Variants in ATP13A4 observed in about 807,000 individuals in gnomAD.
ATP13A4 encodes the protein probable cation-transporting ATPase 13A4.
Under a neutral mutation model 142.5 loss-of-function variants are expected in ATP13A4, and 114 were observed. That is an observed-to-expected ratio of 0.80 (90% CI 0.69 to 0.93). The LOEUF is 0.93. Ranked by LOEUF, ATP13A4 falls within the 40% of genes least tolerant of loss-of-function variation. The pLI is 0.00. For synonymous variants in ATP13A4, 488 were observed against 514.8 expected (o/e 0.95, Z 0.70); for missense variants, 1,392 against 1,454.0 (o/e 0.96, Z 0.69).
chr3:193,581,387 A>C (rs1314316945), intron 2 of ATP13A4, among the ~76,000 whole-genome samples: 1 of 152,210 alleles, frequency 6.6e-6, no homozygotes, highest in Non-Finnish European at 1.5e-5. Context: ...TATGGTGGAA[A>C]TACTGCCACC....
At chr3:193,541,029 C>T (rs1447145686) in intron 1 of ATP13A4, among the ~76,000 whole-genome samples, 2 of 152,000 alleles carry the variant, frequency 1.3e-5, no homozygotes, top group African/African-American at 4.8e-5. Flanking sequence ...GCGGGCAAAT[C>T]GCGAGGTCAG....
At chr3:193,523,842 G>A (rs575522874) in intron 1 of ATP13A4, among the ~76,000 whole-genome samples, 8 of 152,256 alleles carry the variant, frequency 5.3e-5, no homozygotes, top group South Asian at 4.1e-4. Flanking sequence ...GTGCAGGGGC[G>A]CAGATCCATT....
At chr3:193,572,962 T>C (rs1453580154) in intron 2 of ATP13A4, among the ~76,000 whole-genome samples, 2 of 107,222 alleles carry the variant, frequency 1.9e-5, no homozygotes, top group African/African-American at 3.9e-5. Context: ...ACACCTTCTT[T>C]ACAAAAAAAA....
intron 2 of ATP13A4, among the ~76,000 whole-genome samples, chr3:193,565,891 A>G (rs1724121856): frequency 6.6e-6 from 1 of 152,192 alleles, no homozygotes; most frequent in Admixed American, 6.5e-5. Flanking sequence ...TCAGTTGACT[A>G]ATCTGTTTAA....
In ATP13A4 at chr3:193,440,566, C is replaced by T. The variant is rs758773769; in HGVS notation, c.2511G>A (p.Gln837=). The T allele has an allele frequency of 1.2e-6, 2 of 1,613,994 alleles. No homozygotes were observed. The highest frequency in any genetic ancestry group is 2.2e-5 in the South Asian group (2 of 91,076). The change falls in exon 21 of 30, where the codon CAG becomes CAA. Residue 837 remains glutamine, a synonymous_variant. Coordinates refer to ENST00000342695, the MANE Select transcript of ATP13A4 (RefSeq NM_032279.4). The part of the protein sequence containing the change: ...GQKSSLVEEF[Q]KLDYFVGMCG... ...ACTGGCAAAGAACCTACTCCAGTTT[C>T]TGAAATTCTTCCACCAGACTGGACT...
intron 1 of ATP13A4, among the ~76,000 whole-genome samples, chr3:193,582,252 G>A (rs113687331): frequency 0.03 from 4,452 of 147,270 alleles, 229 homozygotes; most frequent in African/African-American, 0.11. Flanking sequence ...GGGTTCAAAT[G>A]ATTCTCCTGC....
chr3:193,545,921 A>T (rs1723194750), intron 1 of ATP13A4, among the ~76,000 whole-genome samples: 1 of 151,838 alleles, frequency 6.6e-6, no homozygotes. Flanking sequence ...AGTATTACTT[A>T]AATTTCTTAA....
At chr3:193,526,465 C>T (rs1310540923) in intron 1 of ATP13A4, among the ~76,000 whole-genome samples, 1 of 151,870 alleles carries the variant, frequency 6.6e-6, no homozygotes, top group African/African-American at 2.4e-5. Context: ...GGGTGGGGAG[C>T]AAGGGGAGGG....
At chr3:193,436,906 C>T (rs1716308432) in intron 23 of ATP13A4, among the ~76,000 whole-genome samples, 1 of 141,226 alleles carries the variant, frequency 7.1e-6, no homozygotes, top group Admixed American at 6.7e-5. Context: ...AGATCGAGAC[C>T]ATCCCGGCTA....
At chr3:193,404,142 G>A (rs1452733948) in intron 29 of ATP13A4, 13 of 985,174 alleles carry the variant, frequency 1.3e-5, no homozygotes, top group African/African-American at 3.5e-5. Context: ...CTTAATTGAC[G>A]TGAAAACAGT....
At chr3:193,450,702 G>GGCAGAC (rs1331094580) in intron 17 of ATP13A4, among the ~76,000 whole-genome samples, 1 of 152,180 alleles carries the variant, frequency 6.6e-6, no homozygotes. Context: ...GAACCTCTAT[G>GGCAGAC]GCAGACGCAC....
intron 1 of ATP13A4, among the ~76,000 whole-genome samples, chr3:193,585,430 T>TAAC (rs368723108): frequency 6.8e-4 from 103 of 151,306 alleles, no homozygotes; most frequent in East Asian, 5.6e-3. Flanking sequence ...CAAAAGAAAA[T>TAAC]AACAACAACA....
intron 2 of ATP13A4, among the ~76,000 whole-genome samples, chr3:193,567,795 C>G (rs1724166670): frequency 6.6e-6 from 1 of 152,262 alleles, no homozygotes; most frequent in South Asian, 2.1e-4. Context: ...CCACCAGCCC[C>G]TGTCTCTCCC....
At chr3:193,517,266 G>A (rs911287075) in intron 1 of ATP13A4, among the ~76,000 whole-genome samples, 24 of 152,174 alleles carry the variant, frequency 1.6e-4, no homozygotes, top group Admixed American at 1.5e-3. Context: ...AATATCTCCA[G>A]TCTCAAGGAG....
In ATP13A4 at chr3:193,442,386, G is replaced by T. The variant is rs756723251; in HGVS notation, c.2316+7C>A. The T allele has an allele frequency of 6.2e-7, 1 of 1,613,014 alleles. No homozygotes were observed. Among genetic ancestry groups the T allele is most frequent in the African/African-American group, 1.3e-5 (1 of 74,906 alleles). ...TAATGTGGCAGAAGGTCTGTGTTCA[G>T]GAGTACCTGATTCCCATACATAATG... On this transcript the variant is annotated splice_region_variant and intron_variant, in intron 19 of 29. Coordinates refer to ENST00000342695, the MANE Select transcript of ATP13A4 (RefSeq NM_032279.4).
chr3:193,569,254 G>A (rs571289737), intron 2 of ATP13A4, among the ~76,000 whole-genome samples: 5 of 152,258 alleles, frequency 3.3e-5, no homozygotes, highest in Non-Finnish European at 7.4e-5. Flanking sequence ...AAAAATGTTC[G>A]ACAAATCCCA....
In ATP13A4 at chr3:193,459,192, CA is replaced by C. The variant is rs2108637612; in HGVS notation, c.1562del (p.Leu521CysfsTer16). ...EVHSFASGQA[L>X]PWGPLCAAMA... ...TCGCTGCACACAGTGGGCCCCATGG[CA>C]AAGCCTGGCCTGAGGCAAAGCTGTG... On this transcript the variant is annotated frameshift_variant, in exon 14 of 30. Coordinates refer to ENST00000342695, the MANE Select transcript of ATP13A4 (RefSeq NM_032279.4). LOFTEE classifies it high-confidence loss of function. 6.2e-7 allele frequency: 1 copy of C among 1,614,224 alleles called. No homozygotes were observed. The highest frequency in any genetic ancestry group is 2.2e-5 in the East Asian group (1 of 44,876).
intron 2 of ATP13A4, among the ~76,000 whole-genome samples, chr3:193,576,566 C>T (rs1221397853): frequency 6.6e-6 from 1 of 152,104 alleles, no homozygotes; most frequent in Non-Finnish European, 1.5e-5. Context: ...CCACCGCGCC[C>T]GGCCTTGAAT....
rs189967718 is a variant in ATP13A4 at position 193,436,840 on chromosome 3, C to G, written c.2673-1096G>C. Among the ~76,000 whole-genome samples, 1,051 of 140,986 alleles carry G rather than the reference C, an allele frequency of 7.5e-3. 103 individuals carry two copies. Among genetic ancestry groups the G allele is most frequent in the African/African-American group, 0.031 (978 of 31,576 alleles). The allele number at this position is 140,986 out of a possible 152,430, so 92.5% of individuals were successfully genotyped here. On this transcript the variant is annotated intron_variant, in intron 23 of 29. Coordinates refer to ENST00000342695, the MANE Select transcript of ATP13A4 (RefSeq NM_032279.4). ...ATCCCCGGGGCCGGGCGCGGTGGCT[C>G]ACGCCTGTAATCCCAGCACTTTGGG... is the stretch of plus-strand genomic sequence containing the variant.
Sources: gnomAD v4.1 joint callset for allele counts (sites outside exome capture counted in the v4.1 genomes callset) on GRCh38, gnomAD v4.1.1 for gene constraint, MANE v1.5 for transcripts, NCBI Gene and HGNC (gene_info 2026-07-23, HGNC 2026-07-21) for gene names.